The following COTL1 variants were observed in gnomAD, a reference collection of about 807,000 sequenced individuals.
COTL1 encodes the protein coactosin like F-actin binding protein 1.
Under a neutral mutation model 16.5 loss-of-function variants are expected in COTL1, and 15 were observed. The observed-to-expected ratio is 0.91, with a 90% CI of 0.61 to 1.40. The LOEUF is 1.40. COTL1 is among the 40% of genes most tolerant of loss of function. The pLI is 0.00. For synonymous variants in COTL1, 112 were observed against 85.3 expected (o/e 1.31, Z -1.73); for missense variants, 220 against 201.5 (o/e 1.09, Z -0.56).
At chr16:84,580,020 G>A (rs771831050) in intron 3 of COTL1, among the ~76,000 whole-genome samples, 2 of 152,176 alleles carry the variant, frequency 1.3e-5, no homozygotes, top group South Asian at 4.1e-4. Context: ...GACTGTGTCG[G>A]GAATCACTGC....
At chr16:84,596,018 G>A (rs1904997885) in intron 2 of COTL1, 1 of 152,190 alleles carries the variant, frequency 6.6e-6, no homozygotes, top group Non-Finnish European at 1.5e-5. Flanking sequence ...CCCAGAAGAA[G>A]GTTGGTACCT....
chr16:84,607,938 A>T (rs1402042669), intron 2 of COTL1, among the ~76,000 whole-genome samples: 2 of 152,166 alleles, frequency 1.3e-5, no homozygotes, highest in East Asian at 1.9e-4. Flanking sequence ...CAGCAGAAGG[A>T]AGTGAGAATG....
At chr16:84,587,656 C>T (rs956988730) in intron 3 of COTL1, among the ~76,000 whole-genome samples, 9 of 152,040 alleles carry the variant, frequency 5.9e-5, no homozygotes, top group African/African-American at 1.9e-4. Flanking sequence ...GACCTATAGG[C>T]TGGGACCACA....
In COTL1 at chr16:84,617,803, G is replaced by A. The variant is rs976339517; in HGVS notation, c.77+35C>T. 1.9e-6 allele frequency: 3 copies of A among 1,547,416 alleles called. No individual in the cohort carries two copies. The African/African-American group carries it at 4.1e-5, about 21-fold the overall frequency. On this transcript the variant is annotated intron_variant, in intron 1 of 3. Transcript: ENST00000262428. ...TGCACGAGGCCCCGCGCGAGCCCGG[G>A]GAGCGGGGCGTGGAGACGAATGAAA...
chr16:84,568,237 A>AT (rs1904307175), intron 3 of COTL1: 1 of 152,244 alleles, frequency 6.6e-6, no homozygotes, highest in African/African-American at 2.4e-5. Context: ...GCCTTAAGTG[A>AT]TCCGCCCAGC....
rs1241951335 is a variant in COTL1 at position 84,617,902 on chromosome 16, T to C, written c.13A>G (p.Ile5Val). Residue 5 changes from isoleucine (I) to valine (V), a missense_variant, in exon 1 of 4, where the codon ATC becomes GTC. Transcript: ENST00000262428. Reference protein sequence around the residue: MATKIDKEACRAAYN... With the variant: MATKVDKEACRAAYN... ...GCCGCCCGGCAAGCCTCTTTGTCGA[T>C]CTTGGTGGCCATCGCCGCGGAGCCG... 1 of 1,560,842 alleles carries C rather than the reference T, an allele frequency of 6.4e-7. No homozygotes were observed. The highest frequency in any genetic ancestry group is 8.7e-7 in the Non-Finnish European group (1 of 1,153,690).
At chr16:84,601,207 G>A (rs921876459) in intron 2 of COTL1, among the ~76,000 whole-genome samples, 2 of 152,104 alleles carry the variant, frequency 1.3e-5, no homozygotes, top group African/African-American at 4.8e-5. Flanking sequence ...CTGTGGGTTG[G>A]TTATTTGACA....
intron 2 of COTL1, among the ~76,000 whole-genome samples, chr16:84,592,564 T>C (rs1904895928): frequency 6.7e-6 from 1 of 150,006 alleles, no homozygotes; most frequent in Admixed American, 6.7e-5. Context: ...TTCCCAGTGA[T>C]GCTGATGCTA....
Position 84,590,038 on chromosome 16 carries a change from T to C in COTL1, c.318+67A>G, listed in dbSNP as rs187949764. On this transcript the variant is annotated intron_variant, in intron 3 of 3. Coordinates refer to ENST00000262428, the MANE Select transcript of COTL1 (RefSeq NM_021149.5). This position sits in a 1 kb window ranked among gnomAD's most constrained non-coding sequence, Gnocchi z 5.5. The stretch of plus-strand genomic sequence containing the variant: ...CAGACCCAGGAGTCGAACCCAGCCC[T>C]CTCCCTCCTTGCAGGATGGTGACCC... 3.9e-6 allele frequency: 6 copies of C among 1,527,954 alleles called. No individual in the cohort carries two copies. The Admixed American group carries it at 1.1e-4, about 28-fold the overall frequency. 94.6% of individuals were successfully genotyped at this position (1,527,954 alleles called of 1,614,324 possible).
intron 2 of COTL1, chr16:84,596,948 T>C (rs1905018067): frequency 6.8e-6 from 1 of 147,962 alleles, no homozygotes. Context: ...TCTGGAGCAC[T>C]TAGAAGAGCA....
intron 3 of COTL1, among the ~76,000 whole-genome samples, chr16:84,581,819 G>A (rs1057440723): frequency 5.3e-5 from 8 of 150,582 alleles, no homozygotes; most frequent in African/African-American, 2.0e-4. Flanking sequence ...GCTTTCTATT[G>A]AAACAGAAGC....
At chr16:84,612,468 A>G (rs1349916233) in intron 2 of COTL1, among the ~76,000 whole-genome samples, 3 of 152,086 alleles carry the variant, frequency 2.0e-5, no homozygotes, top group Non-Finnish European at 1.5e-5. Flanking sequence ...TAATGCCTCT[A>G]CGAGTGCTAT....
At chr16:84,602,710 C>T in intron 2 of COTL1, among the ~76,000 whole-genome samples, 1 of 152,078 alleles carries the variant, frequency 6.6e-6, no homozygotes, top group Non-Finnish European at 1.5e-5. Flanking sequence ...CAAAAATTAG[C>T]CATTCATGGT....
At chr16:84,595,214 G>C (rs1904969633) in intron 2 of COTL1, 1 of 152,372 alleles carries the variant, frequency 6.6e-6, no homozygotes, top group African/African-American at 2.4e-5. Context: ...GGGGGAGCGG[G>C]GTAAAGAGGG....
At chr16:84,587,799 A>T (rs1198674748) in intron 3 of COTL1, among the ~76,000 whole-genome samples, 5 of 146,452 alleles carry the variant, frequency 3.4e-5, no homozygotes, top group Non-Finnish European at 7.6e-5. Context: ...TATTTATTTT[A>T]TTTATTTTTT....
Position 84,617,560 on chromosome 16 carries a change from G to A in COTL1, c.101C>T (p.Ser34Phe), listed in dbSNP as rs756346377. The A allele has an allele frequency of 8.3e-6, 13 of 1,557,966 alleles. No individual in the cohort carries two copies. The South Asian group carries it at 1.2e-4, about 14-fold the overall frequency. The change falls in exon 2 of 4, where the codon TCC becomes TTC. Residue 34 changes from serine to phenylalanine, a missense_variant. Transcript: ENST00000262428. ...VIWVTFKYDGSTIVPGEQGAE... is the reference protein window; with the variant it reads ...VIWVTFKYDGFTIVPGEQGAE... ...TCCCTGCTCGCCGGGGACGATGGTG[G>A]AGCCGTCATATTTAAAAGTCACCCT...
chr16:84,617,667 C>A, intron 1 of COTL1, 84 bp from the exon 2 acceptor site: 2 of 1,445,850 alleles, frequency 1.4e-6, no homozygotes, highest in Non-Finnish European at 1.9e-6. Flanking sequence ...GACAATCTAA[C>A]AGACGCGCTG....
At chr16:84,570,232 C>T (rs1277336980) in intron 3 of COTL1, among the ~76,000 whole-genome samples, 3 of 152,088 alleles carry the variant, frequency 2.0e-5, no homozygotes, top group East Asian at 1.9e-4. Flanking sequence ...GCCAAGATGG[C>T]GCCACTGCAC....
At chr16:84,602,546 A>G (rs1905123193) in intron 2 of COTL1, among the ~76,000 whole-genome samples, 1 of 152,058 alleles carries the variant, frequency 6.6e-6, no homozygotes, top group African/African-American at 2.4e-5. Flanking sequence ...TGTTTTGACA[A>G]ATTTGTGGTT....
Sources: allele counts gnomAD v4.1 joint callset (sites outside exome capture counted in the v4.1 genomes callset), GRCh38; gene constraint gnomAD v4.1.1; non-coding constraint Gnocchi (gnomAD v3.1); transcripts MANE v1.5; gene names NCBI Gene and HGNC (gene_info 2026-07-23, HGNC 2026-07-21).